The following CTNNA3 variants were observed in gnomAD, a reference collection of about 807,000 sequenced individuals.
The protein encoded by CTNNA3 is catenin alpha 3.
A neutral mutation model predicts 95.7 loss-of-function variants in CTNNA3; 76 were observed. The ratio of observed to expected loss-of-function variants is 0.79; its 90% CI spans 0.66 to 0.96. The LOEUF (loss-of-function observed/expected upper bound fraction) is 0.96, where lower values mean the gene tolerates loss of function less well. Ranked by LOEUF, CTNNA3 falls within the 40% of genes least tolerant of loss-of-function variation. The pLI is 0.00. For synonymous variants in CTNNA3, 431 were observed against 374.4 expected (o/e 1.15, Z -1.74); for missense variants, 1,191 against 1,089.8 (o/e 1.09, Z -1.31).
At chr10:67,102,417 T>C (rs984929646) in intron 7 of CTNNA3, among the ~76,000 whole-genome samples, 13 of 151,934 alleles carry the variant, frequency 8.6e-5, no homozygotes, top group African/African-American at 3.1e-4. Context: ...ATTATAGTTT[T>C]ATTGTGAGAT....
chr10:67,216,876 T>TA (rs1564982043), intron 6 of CTNNA3, among the ~76,000 whole-genome samples: 2 of 152,208 alleles, frequency 1.3e-5, no homozygotes, highest in Non-Finnish European at 2.9e-5. Flanking sequence ...AAAATTCTCT[T>TA]AATCTACAAT....
chr10:66,189,617 T>TAC (rs1554883914), intron 13 of CTNNA3, among the ~76,000 whole-genome samples: 38 of 140,362 alleles, frequency 2.7e-4, no homozygotes, highest in African/African-American at 8.5e-4. Context: ...TATATATATA[T>TAC]ACACACATAC....
rs1180180443 is a variant in CTNNA3 at position 67,142,518 on chromosome 10, CAA to C, written c.1047+37797_1047+37798del. ...CAATAAAGCAAATATCACAATAAAG[CAA>C]GTCACATGGATTTTTTTGGTTTCCC... On this transcript the variant is annotated intron_variant, in intron 7 of 17. Coordinates refer to ENST00000433211, the MANE Select transcript of CTNNA3 (RefSeq NM_013266.4). 3.3e-5 allele frequency among the ~76,000 whole-genome samples: 5 copies of C among 152,132 alleles called. No homozygotes were observed. The East Asian group carries it at 9.6e-4, about 29-fold the overall frequency.
chr10:67,532,692 C>T (rs1840366600), intron 4 of CTNNA3, among the ~76,000 whole-genome samples: 1 of 152,002 alleles, frequency 6.6e-6, no homozygotes, highest in Non-Finnish European at 1.5e-5. Flanking sequence ...AAAGTGGGAG[C>T]AAGATACCAA....
chr10:67,155,177 AC>A (rs35389357), intron 7 of CTNNA3, among the ~76,000 whole-genome samples: 96,083 of 151,986 alleles, frequency 0.63, 31,578 homozygotes, highest in African/African-American at 0.82. Context: ...TATCCTCAGC[AC>A]CTTTTACAAT....
chr10:67,659,960 A>G (rs546833435), intron 1 of CTNNA3, among the ~76,000 whole-genome samples: 16 of 152,352 alleles, frequency 1.1e-4, no homozygotes, highest in African/African-American at 3.6e-4. Flanking sequence ...AATAAATAAA[A>G]GCCTGCTTAT....
chr10:67,433,701 A>T (rs984372377), intron 5 of CTNNA3, among the ~76,000 whole-genome samples: 4 of 152,080 alleles, frequency 2.6e-5, no homozygotes, highest in African/African-American at 9.7e-5. Context: ...TATATCATGA[A>T]AATGTATTGA....
intron 3 of CTNNA3, among the ~76,000 whole-genome samples, chr10:67,552,805 G>C (rs932250595): frequency 6.6e-6 from 1 of 152,016 alleles, no homozygotes; most frequent in Admixed American, 6.6e-5. Flanking sequence ...CTGAGGATAA[G>C]GACTTCCAAT....
At chr10:66,335,059 G>A (rs374836025) in intron 12 of CTNNA3, among the ~76,000 whole-genome samples, 17 of 152,092 alleles carry the variant, frequency 1.1e-4, no homozygotes, top group South Asian at 1.0e-3. Context: ...TGTAGTTCTC[G>A]TGCCATGGTT....
intron 7 of CTNNA3, among the ~76,000 whole-genome samples, chr10:66,823,165 G>C: frequency 6.6e-6 from 1 of 152,244 alleles, no homozygotes; most frequent in South Asian, 2.1e-4. Context: ...TATATTAACA[G>C]CTTGTCCACA....
intron 2 of CTNNA3, among the ~76,000 whole-genome samples, chr10:67,631,530 A>C (rs1005867902): frequency 6.6e-6 from 1 of 152,234 alleles, no homozygotes; most frequent in Non-Finnish European, 1.5e-5. Context: ...TATAACATGA[A>C]GATAAATCAT....
At chr10:67,649,188 T>A (rs886998444) in intron 1 of CTNNA3, among the ~76,000 whole-genome samples, 1 of 152,228 alleles carries the variant, frequency 6.6e-6, no homozygotes, top group Non-Finnish European at 1.5e-5. Flanking sequence ...TTCTTTCATC[T>A]GAAGGACAAA....
At chr10:65,954,910 C>A (rs1012073756) in intron 17 of CTNNA3, among the ~76,000 whole-genome samples, 1 of 151,822 alleles carries the variant, frequency 6.6e-6, no homozygotes, top group Non-Finnish European at 1.5e-5. Context: ...TATTTTTTTT[C>A]CAATTCTGTG....
At chr10:67,478,106 T>C (rs1265519852) in intron 5 of CTNNA3, among the ~76,000 whole-genome samples, 1 of 152,178 alleles carries the variant, frequency 6.6e-6, no homozygotes, top group Non-Finnish European at 1.5e-5. Context: ...AGATAGGTCT[T>C]TTTGAATTAA....
At chr10:66,125,030 C>T (rs956633356) in intron 13 of CTNNA3, among the ~76,000 whole-genome samples, 18 of 152,080 alleles carry the variant, frequency 1.2e-4, no homozygotes, top group Admixed American at 4.6e-4. Flanking sequence ...TCTTCAAAAA[C>T]GAAGAAGAAA....
intron 11 of CTNNA3, among the ~76,000 whole-genome samples, chr10:66,467,178 G>A (rs1187592609): frequency 2.0e-5 from 3 of 152,098 alleles, no homozygotes; most frequent in Non-Finnish European, 2.9e-5. Flanking sequence ...TCTCAGTCAA[G>A]GCAGTGCTTC....
At chr10:67,512,954 A>T (rs934037076) in intron 5 of CTNNA3, among the ~76,000 whole-genome samples, 3 of 152,212 alleles carry the variant, frequency 2.0e-5, no homozygotes, top group Non-Finnish European at 4.4e-5. Flanking sequence ...CACTGACTCC[A>T]GCCTGGCAAC....
At chr10:67,103,586 G>T (rs952450584) in intron 7 of CTNNA3, among the ~76,000 whole-genome samples, 3 of 151,602 alleles carry the variant, frequency 2.0e-5, no homozygotes, top group African/African-American at 7.3e-5. Flanking sequence ...GGAAAATAAG[G>T]CTCATAGTAA....
intron 10 of CTNNA3, among the ~76,000 whole-genome samples, chr10:66,612,228 C>G (rs538406469): frequency 6.6e-6 from 1 of 152,064 alleles, no homozygotes. Flanking sequence ...TCCTACATCT[C>G]TTATTCAGAT....
Sources: allele counts gnomAD v4.1 joint callset (sites outside exome capture counted in the v4.1 genomes callset), GRCh38; gene constraint gnomAD v4.1.1; transcripts MANE v1.5; gene names NCBI Gene and HGNC (gene_info 2026-07-23, HGNC 2026-07-21).